Variants in JMJD1C observed in about 807,000 individuals in gnomAD.
JMJD1C encodes jumonji domain-containing protein 1C.
A neutral mutation model predicts 245.3 loss-of-function variants in JMJD1C; 31 were observed. That is an observed-to-expected ratio of 0.13 (90% CI 0.09 to 0.17). The LOEUF (loss-of-function observed/expected upper bound fraction) is 0.17. Ranked by LOEUF, JMJD1C falls within the 10% of genes least tolerant of loss-of-function variation. JMJD1C has a pLI of 1.00. For synonymous variants in JMJD1C, 1,057 were observed against 1,017.4 expected (o/e 1.04, Z -0.74); for missense variants, 2,691 against 3,000.2 (o/e 0.90, Z 2.41).
At chr10:63,468,031 G>C (rs1208453975), upstream of JMJD1C, among the ~76,000 whole-genome samples, 1 of 152,092 alleles carries the variant, frequency 6.6e-6, no homozygotes, top group East Asian at 1.9e-4. Flanking sequence ...CAATTTTGTA[G>C]GCAAACTGCT....
At chr10:63,461,243 T>C (rs1224683351) in intron 1 of JMJD1C, among the ~76,000 whole-genome samples, 6 of 152,176 alleles carry the variant, frequency 3.9e-5, no homozygotes, top group Non-Finnish European at 8.8e-5. Flanking sequence ...TCTTTCTACC[T>C]ACCAAAAAAA....
intron 22 of JMJD1C, among the ~76,000 whole-genome samples, chr10:63,180,337 G>C (rs75018574): frequency 0.021 from 3,231 of 152,212 alleles, 113 homozygotes; most frequent in African/African-American, 0.072. Context: ...TACTATGTGC[G>C]AGGCACTGTC....
In JMJD1C at chr10:63,207,983, G is replaced by A; in HGVS notation, c.3686C>T (p.Pro1229Leu). 1.2e-6 allele frequency: 2 copies of A among 1,614,156 alleles called. No individual in the cohort carries two copies. Among genetic ancestry groups the A allele is most frequent in the Non-Finnish European group, 1.7e-6 (2 of 1,180,016 alleles). Residue 1229 changes from proline to leucine, a missense_variant, in exon 10 of 26, where the codon CCT becomes CTT. Around this residue, in one of 9 missense-constraint regions of JMJD1C, gnomAD observed 1,562 missense variants for 1,490.7 expected, o/e 1.05. Coordinates refer to ENST00000399262, the MANE Select transcript of JMJD1C (RefSeq NM_032776.3). ...TGGCATCACCGGAGTTAAAGTTGGA[G>A]GGGAAAGACTACTATAGCTGCCTTC... is the stretch of plus-strand genomic sequence containing the variant. ...RKEGSYSSLS[P>L]PTLTPVMPVN...
intron 12 of JMJD1C, 51 bp downstream of exon 12, chr10:63,198,461 GA>G: frequency 8.9e-7 from 1 of 1,129,668 alleles, no homozygotes. Context: ...AATTCAAAGA[GA>G]AATTCTTAAA....
At chr10:63,324,726 G>T (rs914472430) in intron 2 of JMJD1C, among the ~76,000 whole-genome samples, 1 of 152,226 alleles carries the variant, frequency 6.6e-6, no homozygotes, top group Non-Finnish European at 1.5e-5. Context: ...GTGTATGTCA[G>T]ATGGTGATAA....
intron 3 of JMJD1C, among the ~76,000 whole-genome samples, chr10:63,261,050 G>A (rs1243160053): frequency 6.6e-6 from 1 of 152,012 alleles, no homozygotes; most frequent in East Asian, 1.9e-4. Flanking sequence ...GTGTAGCCAG[G>A]CATGATCAGG....
At chr10:63,454,652 A>G (rs962062803) in intron 1 of JMJD1C, among the ~76,000 whole-genome samples, 2 of 152,092 alleles carry the variant, frequency 1.3e-5, no homozygotes, top group African/African-American at 4.8e-5. Flanking sequence ...GCTGGTCTTG[A>G]ACTCCTGACC....
chr10:63,458,933 G>A (rs1172922882), intron 1 of JMJD1C, among the ~76,000 whole-genome samples: 1 of 152,020 alleles, frequency 6.6e-6, no homozygotes, highest in Non-Finnish European at 1.5e-5. Context: ...TGTTGCCCAG[G>A]CTGGTCTTGA....
intron 13 of JMJD1C, among the ~76,000 whole-genome samples, chr10:63,196,117 G>A (rs1390525806): frequency 6.6e-6 from 1 of 151,608 alleles, no homozygotes; most frequent in East Asian, 1.9e-4. Context: ...TACAAAATTA[G>A]GCATGGTGGC....
At chr10:63,498,684 C>A (rs1168761804) in intron 1 of JMJD1C, among the ~76,000 whole-genome samples, 5 of 152,056 alleles carry the variant, frequency 3.3e-5, no homozygotes, top group Non-Finnish European at 7.4e-5. Context: ...ATATATCACT[C>A]AAGTTTTCTA....
Position 63,208,628 on chromosome 10 carries a change from C to T in JMJD1C, c.3041G>A (p.Arg1014Lys), listed in dbSNP as rs1846951278. 6.2e-7 allele frequency: 1 copy of T among 1,614,004 alleles called. No individual in the cohort carries two copies. Among genetic ancestry groups the T allele is most frequent in the Admixed American group, 1.7e-5 (1 of 60,014 alleles). The change falls in exon 10 of 26, where the codon AGG becomes AAG. Residue 1014 changes from arginine to lysine, a missense_variant. Around this residue, in one of 9 missense-constraint regions of JMJD1C, gnomAD observed 1,562 missense variants for 1,490.7 expected, o/e 1.05. Coordinates refer to ENST00000399262, the MANE Select transcript of JMJD1C (RefSeq NM_032776.3). Reference sequence around the variant, plus strand: ...GTGTTCCTCTTTGTATTTGTTTAACCTCTCTCCAGTCTCCTGGGGTGGCCT... The same window carrying T: ...GTGTTCCTCTTTGTATTTGTTTAACTTCTCTCCAGTCTCCTGGGGTGGCCT... Reference protein sequence around the residue: ...LQRPPQETGERLNKYKEEHRR... With the variant: ...LQRPPQETGEKLNKYKEEHRR...
chr10:63,465,180 CT>C, intron 1 of JMJD1C: 1 of 353,142 alleles, frequency 2.8e-6, no homozygotes, highest in Non-Finnish European at 5.1e-6. Flanking sequence ...GCGGCTCCGC[CT>C]TTCGGGGAGG....
intron 1 of JMJD1C, among the ~76,000 whole-genome samples, chr10:63,406,134 T>C (rs55718304): frequency 6.6e-6 from 1 of 152,110 alleles, no homozygotes; most frequent in African/African-American, 2.4e-5. Flanking sequence ...TACTCACACC[T>C]CCTGCTTTGT....
chr10:63,291,296 G>A (rs1354073795), intron 2 of JMJD1C, among the ~76,000 whole-genome samples: 1 of 89,894 alleles, frequency 1.1e-5, no homozygotes, highest in African/African-American at 5.3e-5. Flanking sequence ...AAAAAAGAGT[G>A]AAAGTCTGTC....
chr10:63,196,007 C>T lies in JMJD1C; in HGVS notation c.5644+1404G>A, dbSNP rs148821160. ...CTACTATGAAAATCAGCAGGCTGGG[C>T]GTGGTGGCTCATGCCTGTAATCCCA... On this transcript the variant is annotated intron_variant, in intron 13 of 25. Coordinates refer to ENST00000399262, the MANE Select transcript of JMJD1C (RefSeq NM_032776.3). 5.2e-3 allele frequency among the ~76,000 whole-genome samples: 795 copies of T among 152,068 alleles called. 4 individuals are homozygous for T. Among genetic ancestry groups the T allele is most frequent in the Middle Eastern group, 0.017 (5 of 292 alleles).
chr10:63,521,842 G>GCTGCTCGGCTGC (rs1436978590), exon 1 of JMJD1C: 60 of 65,958 alleles, frequency 9.1e-4, no homozygotes, highest in Admixed American at 4.3e-3. Context: ...GGCTGCGTGC[G>GCTGCTCGGCTGC]GTGCGGCGCG....
chr10:63,275,451 A>G (rs1309798979), intron 2 of JMJD1C, among the ~76,000 whole-genome samples: 4 of 152,258 alleles, frequency 2.6e-5, no homozygotes, highest in Admixed American at 2.6e-4. Context: ...GTCACCTTTC[A>G]CAAAGGAGAA....
At chr10:63,188,800 G>A (rs1351905488) in intron 18 of JMJD1C, among the ~76,000 whole-genome samples, 2 of 152,128 alleles carry the variant, frequency 1.3e-5, no homozygotes, top group Non-Finnish European at 2.9e-5. Context: ...CATGAAAAAT[G>A]CTGCCAATAT....
At chr10:63,467,666 T>A (rs73296582), upstream of JMJD1C, among the ~76,000 whole-genome samples, 515 of 152,356 alleles carry the variant, frequency 3.4e-3, 3 homozygotes, top group African/African-American at 0.011. Context: ...CTTAGCAAAT[T>A]ATCTTAAGAA....
Sources: allele counts gnomAD v4.1 joint callset (sites outside exome capture counted in the v4.1 genomes callset), GRCh38; gene constraint gnomAD v4.1.1; regional missense constraint gnomAD v4.1.1; transcripts MANE v1.5; gene names NCBI Gene and HGNC (gene_info 2026-07-23, HGNC 2026-07-21).